PEX7: variants seen among roughly 807,000 people sequenced by gnomAD.
PEX7 encodes peroxisomal biogenesis factor 7, also known as PTS2 receptor.
A neutral mutation model predicts 47.5 loss-of-function variants in PEX7; 34 were observed. That is an observed-to-expected ratio of 0.72 (90% CI 0.54 to 0.95). The LOEUF is 0.95. PEX7 is among the 40% of genes least tolerant of loss of function. The pLI is 0.00. For missense variants in PEX7, 394 were observed against 400.3 expected (o/e 0.98, Z 0.13); for synonymous variants, 141 against 148.8 (o/e 0.95, Z 0.38).
At chr6:136,833,144 T>C (rs145977816) in intron 3 of PEX7, among the ~76,000 whole-genome samples, 3 of 152,346 alleles carry the variant, frequency 2.0e-5, no homozygotes, top group African/African-American at 7.2e-5. Flanking sequence ...AGAGGCTTAA[T>C]TGACTCACAG....
intron 3 of PEX7, among the ~76,000 whole-genome samples, chr6:136,834,167 G>A (rs1412659458): frequency 6.6e-6 from 1 of 152,130 alleles, no homozygotes; most frequent in Non-Finnish European, 1.5e-5. Context: ...AGTTTGCTAG[G>A]TAGCCCTAAG....
chr6:136,852,843 G>A (rs1349187295), intron 5 of PEX7, among the ~76,000 whole-genome samples: 35 of 81,034 alleles, frequency 4.3e-4, no homozygotes, highest in African/African-American at 1.5e-3. Context: ...AAAAGAGCCC[G>A]CATCGCCAAG....
chr6:136,825,416 A>G, intron 2 of PEX7, 145 bp downstream of exon 2: 1 of 692,386 alleles, frequency 1.4e-6, no homozygotes, highest in Non-Finnish European at 2.5e-6. Flanking sequence ...TTTTTAGCTG[A>G]TTGTGGTGGT....
rs527934498 is a variant in PEX7, at chr6:136,863,697, C to T, written c.527-2930C>T. Among the ~76,000 whole-genome samples, 28 of 152,074 alleles carry T rather than the reference C, an allele frequency of 1.8e-4. No homozygotes were observed. In the Middle Eastern group the frequency reaches 0.01, roughly 55 times the overall value. On this transcript the variant is annotated intron_variant, in intron 5 of 9. Transcript: ENST00000318471. ...CTGAGGCAGGTGGATTGCTTGAGCT[C>T]GGGAGCTGGAAACCAGCCTGGACAA... is the stretch of plus-strand genomic sequence containing the variant.
intron 8 of PEX7, among the ~76,000 whole-genome samples, chr6:136,885,283 G>GT (rs1207363093): frequency 6.6e-6 from 1 of 152,128 alleles, no homozygotes; most frequent in Non-Finnish European, 1.5e-5. Context: ...TAACACTCCA[G>GT]TTTCATGATA....
intron 3 of PEX7, among the ~76,000 whole-genome samples, chr6:136,837,636 T>G (rs1774415892): frequency 1.3e-5 from 2 of 151,976 alleles, no homozygotes; most frequent in African/African-American, 2.4e-5. Context: ...GAGAAGTCAT[T>G]TATTCCAGAG....
chr6:136,877,738 C>G (rs1775301151), intron 8 of PEX7, among the ~76,000 whole-genome samples: 1 of 152,130 alleles, frequency 6.6e-6, no homozygotes, highest in African/African-American at 2.4e-5. Context: ...ACTTTGAAGT[C>G]AGGTAGTGTG....
At chr6:136,869,787 A>T (rs1582759818) in intron 6 of PEX7, 103 bp from the exon 7 acceptor site, 1 of 886,424 alleles carries the variant, frequency 1.1e-6, no homozygotes, top group East Asian at 2.4e-5. Flanking sequence ...CTTGGTTCAT[A>T]TTAAATAGTT....
At chr6:136,837,812 C>CCACACACACACACACACACACA (rs34680868) in intron 3 of PEX7, among the ~76,000 whole-genome samples, 1 of 146,716 alleles carries the variant, frequency 6.8e-6, no homozygotes, top group Non-Finnish European at 1.5e-5. Context: ...AATTTAAACG[C>CCACACACACACACACACACACA]CACACACACA....
intron 8 of PEX7, among the ~76,000 whole-genome samples, chr6:136,878,213 A>T (rs1025934654): frequency 9.2e-5 from 14 of 152,202 alleles, no homozygotes; most frequent in Admixed American, 9.2e-4. Flanking sequence ...GGCTGAGACG[A>T]TGGGGCTTTC....
chr6:136,878,460 T>C (rs558964410), intron 8 of PEX7, among the ~76,000 whole-genome samples: 17 of 152,190 alleles, frequency 1.1e-4, no homozygotes, highest in Non-Finnish European at 2.4e-4. Context: ...GTAGCTCTTA[T>C]TATTTTGAGA....
intron 9 of PEX7, among the ~76,000 whole-genome samples, chr6:136,909,531 A>G (rs953388617): frequency 6.6e-6 from 1 of 152,202 alleles, no homozygotes; most frequent in Non-Finnish European, 1.5e-5. Flanking sequence ...CTTACCAGGA[A>G]GTTCCTACAT....
chr6:136,904,736 A>G (rs985055820), intron 9 of PEX7, among the ~76,000 whole-genome samples: 1 of 151,724 alleles, frequency 6.6e-6, no homozygotes, highest in African/African-American at 2.4e-5. Flanking sequence ...TGGAACTGTA[A>G]GTCCATTAAA....
chr6:136,869,722 A>G (rs1047569294), intron 6 of PEX7, among the ~76,000 whole-genome samples, 168 bp from the exon 7 acceptor site: 3 of 152,120 alleles, frequency 2.0e-5, no homozygotes, highest in African/African-American at 4.8e-5. Flanking sequence ...TTTTGCTATT[A>G]ATGTCTATGT....
At chr6:136,836,358 T>A (rs1474151026) in intron 3 of PEX7, among the ~76,000 whole-genome samples, 1 of 151,798 alleles carries the variant, frequency 6.6e-6, no homozygotes, top group Non-Finnish European at 1.5e-5. Flanking sequence ...ATGGTTACCT[T>A]GAAAGAGGGG....
At chr6:136,850,951 G>T (rs1582748275) in intron 5 of PEX7, among the ~76,000 whole-genome samples, 6 of 99,466 alleles carry the variant, frequency 6.0e-5, no homozygotes, top group South Asian at 3.5e-4. Context: ...ATTGTCTAAA[G>T]ATATTTATTT....
chr6:136,826,878 A>G (rs989109669), intron 3 of PEX7, among the ~76,000 whole-genome samples: 1 of 152,190 alleles, frequency 6.6e-6, no homozygotes, highest in African/African-American at 2.4e-5. Flanking sequence ...TTCAGAGTAT[A>G]TTGGAGCAAG....
intron 9 of PEX7, among the ~76,000 whole-genome samples, chr6:136,908,317 T>C (rs1775876648): frequency 2.6e-5 from 4 of 152,218 alleles, no homozygotes; most frequent in Admixed American, 2.6e-4. Flanking sequence ...AGAACTTATA[T>C]GGCATCTTAC....
chr6:136,838,222 A>G (rs55767312), intron 3 of PEX7, among the ~76,000 whole-genome samples: 4,472 of 152,312 alleles, frequency 0.029, 255 homozygotes, highest in African/African-American at 0.1. Context: ...ACCAGAAATT[A>G]TATGCCTCCT....
Sources: allele counts gnomAD v4.1 joint callset (sites outside exome capture counted in the v4.1 genomes callset), GRCh38; gene constraint gnomAD v4.1.1; transcripts MANE v1.5; gene names NCBI Gene and HGNC (gene_info 2026-07-23, HGNC 2026-07-21).